Variants in BLTP3B observed in about 807,000 individuals in gnomAD.
BLTP3B encodes bridge-like lipid transfer protein family member 3B.
the BLTP3B span, among the ~76,000 whole-genome samples, chr12:100,113,793 G>GAA: frequency 7.5e-6 from 1 of 133,342 alleles, no homozygotes. Flanking sequence ...CCCTGTCTCA[G>GAA]AAAAAAAAAA....
the BLTP3B span, among the ~76,000 whole-genome samples, chr12:100,113,602 G>A: frequency 6.6e-6 from 1 of 152,154 alleles, no homozygotes; most frequent in Non-Finnish European, 1.5e-5. Flanking sequence ...CTCAGAACAT[G>A]TAAAATGCTA....
chr12:100,070,649 A>G, the BLTP3B span, among the ~76,000 whole-genome samples: 1 of 152,172 alleles, frequency 6.6e-6, no homozygotes, highest in Non-Finnish European at 1.5e-5. Flanking sequence ...ATTTAGCAAC[A>G]AAGGCAAAAT....
the BLTP3B span, among the ~76,000 whole-genome samples, chr12:100,112,369 T>C: frequency 3.3e-5 from 5 of 152,102 alleles, no homozygotes; most frequent in South Asian, 4.1e-4. Flanking sequence ...TAGCCAGGCA[T>C]AGTGGAACAC....
the BLTP3B span, chr12:100,095,879 T>C: frequency 6.8e-7 from 1 of 1,477,564 alleles, no homozygotes; most frequent in Non-Finnish European, 9.1e-7. Flanking sequence ...AGCCAAGATA[T>C]AAACCTTATA....
chr12:100,083,224 G>T, the BLTP3B span: 2 of 833,054 alleles, frequency 2.4e-6, no homozygotes, highest in Non-Finnish European at 4.0e-6. Flanking sequence ...AGAAATATAT[G>T]TGAATACTAA....
chr12:100,121,907 G>T, the BLTP3B span, among the ~76,000 whole-genome samples: 1 of 152,008 alleles, frequency 6.6e-6, no homozygotes, highest in African/African-American at 2.4e-5. Context: ...TTTTAATAAA[G>T]CTGTTCAAAT....
At chr12:100,103,207 G>A in the BLTP3B span, among the ~76,000 whole-genome samples, 7 of 151,966 alleles carry the variant, frequency 4.6e-5, no homozygotes, top group African/African-American at 1.7e-4. Context: ...ATATTAATAA[G>A]TAGGACTGAA....
At chr12:100,070,072 T>C in the BLTP3B span, 1 of 1,435,288 alleles carries the variant, frequency 7.0e-7, no homozygotes, top group African/African-American at 1.5e-5. Flanking sequence ...TACAAGACAA[T>C]GCTTGAGTTT....
At chr12:100,043,192 T>C in the BLTP3B span, among the ~76,000 whole-genome samples, 2 of 152,182 alleles carry the variant, frequency 1.3e-5, no homozygotes. Context: ...AACTGAAAAA[T>C]TTTTATGACT....
the BLTP3B span, among the ~76,000 whole-genome samples, chr12:100,115,037 A>G: frequency 6.6e-6 from 1 of 152,218 alleles, no homozygotes; most frequent in Non-Finnish European, 1.5e-5. Context: ...ACAATTTCGT[A>G]AGGATACAAA....
the BLTP3B span, among the ~76,000 whole-genome samples, chr12:100,118,919 T>C: frequency 3.3e-5 from 5 of 152,062 alleles, no homozygotes; most frequent in African/African-American, 1.2e-4. Flanking sequence ...CTGGCCAACA[T>C]GGTAAAACTC....
chr12:100,046,838 TAAG>T, the BLTP3B span, among the ~76,000 whole-genome samples: 2 of 151,818 alleles, frequency 1.3e-5, no homozygotes, highest in African/African-American at 4.8e-5. Context: ...ACAAGGCAAA[TAAG>T]AACGTAGAGA....
chr12:100,040,040 T>C, the BLTP3B span, among the ~76,000 whole-genome samples: 5 of 152,152 alleles, frequency 3.3e-5, no homozygotes, highest in Non-Finnish European at 7.3e-5. Context: ...TAATTTATTA[T>C]GTTTTTATAT....
chr12:100,079,678 G>C, the BLTP3B span, among the ~76,000 whole-genome samples: 1 of 152,212 alleles, frequency 6.6e-6, no homozygotes, highest in South Asian at 2.1e-4. Flanking sequence ...ATTTGCGTAA[G>C]TAAAGAGAAG....
the BLTP3B span, chr12:100,142,762 G>A: frequency 7.1e-7 from 1 of 1,400,850 alleles, no homozygotes; most frequent in Non-Finnish European, 9.5e-7. Flanking sequence ...GACCGGGAGA[G>A]ACCCAAGGCC....
chr12:100,051,538 CA>C, the BLTP3B span: 1 of 209,618 alleles, frequency 4.8e-6, no homozygotes. Flanking sequence ...TAAAGACATA[CA>C]AAACATAAGT....
chr12:100,129,718 G>A, the BLTP3B span, among the ~76,000 whole-genome samples: 14,518 of 151,976 alleles, frequency 0.096, 852 homozygotes, highest in African/African-American at 0.14. Context: ...AGAGAAGAAG[G>A]CCTATTATGA....
the BLTP3B span, among the ~76,000 whole-genome samples, chr12:100,100,788 T>C: frequency 6.6e-6 from 1 of 151,922 alleles, no homozygotes. Flanking sequence ...TTGATATCCA[T>C]TCCAGACCTA....
At chr12:100,103,228 A>C in the BLTP3B span, among the ~76,000 whole-genome samples, 1 of 152,138 alleles carries the variant, frequency 6.6e-6, no homozygotes, top group African/African-American at 2.4e-5. Flanking sequence ...CTACCCCAAA[A>C]AGCTTATCAC....
Sources: allele counts gnomAD v4.1 joint callset (sites outside exome capture counted in the v4.1 genomes callset), GRCh38; gene constraint gnomAD v4.1.1; transcripts MANE v1.5; gene names NCBI Gene and HGNC (gene_info 2026-07-23, HGNC 2026-07-21).